TRIM37: variants seen among roughly 807,000 people sequenced by gnomAD.
TRIM37 encodes E3 ubiquitin-protein ligase TRIM37.
In TRIM37, 80 loss-of-function variants were observed where a neutral mutation model predicts 129.8. The observed-to-expected ratio is 0.62, with a 90% CI of 0.51 to 0.74. The LOEUF (loss-of-function observed/expected upper bound fraction) is 0.74, where lower values mean the gene tolerates loss of function less well. Ranked by LOEUF, TRIM37 falls within the 30% of genes least tolerant of loss-of-function variation. The pLI, the probability that TRIM37 is intolerant of heterozygous loss-of-function variation, is 0.00. For missense variants in TRIM37, 1,054 were observed against 1,176.5 expected, an observed-to-expected ratio of 0.90 and a Z score of 1.52; for synonymous variants, 389 against 387.1, an observed-to-expected ratio of 1.00 and a Z score of -0.06.
chr17:59,010,204 A>G (rs1714500346), intron 22 of TRIM37, among the ~76,000 whole-genome samples: 2 of 152,120 alleles, frequency 1.3e-5, no homozygotes, highest in Non-Finnish European at 2.9e-5. Flanking sequence ...ACTGGGGATG[A>G]TTTTGCCTCC....
At chr17:59,043,378 A>G (rs2039458418) in intron 16 of TRIM37, among the ~76,000 whole-genome samples, 1 of 152,198 alleles carries the variant, frequency 6.6e-6, no homozygotes, top group African/African-American at 2.4e-5. Flanking sequence ...CATCTACTCA[A>G]AAAAATCTAT....
chr17:59,042,443 A>ATATATATATATATATATATAT (rs1281091065), intron 16 of TRIM37, among the ~76,000 whole-genome samples: 5 of 50,206 alleles, frequency 1.0e-4, no homozygotes, highest in Admixed American at 2.2e-4. Context: ...AAAAAAAAAA[A>ATATATATATATATATATATAT]AAAAAAATAT....
At chr17:58,980,460 A>T (rs1294683194), downstream of TRIM37, 1 of 1,614,128 alleles carries the variant, frequency 6.2e-7, no homozygotes, top group Admixed American at 1.7e-5. The surrounding 1 kb of genome is among the most constrained non-coding windows in gnomAD (Gnocchi z 4.7). Context: ...GTGCTGGAAG[A>T]CCCAGGCTAC....
intron 22 of TRIM37, among the ~76,000 whole-genome samples, chr17:59,005,967 T>C (rs905601800): frequency 6.6e-5 from 10 of 152,204 alleles, no homozygotes; most frequent in Non-Finnish European, 2.9e-5. Context: ...CAGGTATCAG[T>C]ATTTCCAGTT....
downstream of TRIM37, among the ~76,000 whole-genome samples, chr17:58,996,013 A>G (rs2032953101): frequency 6.6e-6 from 1 of 150,386 alleles, no homozygotes; most frequent in Admixed American, 6.6e-5. Flanking sequence ...AAAAAAAAAT[A>G]ATAATAATAA....
chr17:59,067,600 C>T (rs959022219), intron 9 of TRIM37, among the ~76,000 whole-genome samples: 2 of 152,236 alleles, frequency 1.3e-5, no homozygotes, highest in African/African-American at 4.8e-5. Context: ...ACATAAAACT[C>T]TCTATGAACT....
chr17:58,994,245 A>T (rs1316621801), downstream of TRIM37, among the ~76,000 whole-genome samples: 1 of 152,206 alleles, frequency 6.6e-6, no homozygotes, highest in African/African-American at 2.4e-5. Context: ...AAATACACAT[A>T]AATGTGTGTA....
chr17:59,028,603 G>A lies in TRIM37; in HGVS notation c.2069C>T (p.Thr690Ile). The change falls in exon 19 of 24, where the codon ACT becomes ATT. Residue 690 changes from threonine to isoleucine, a missense_variant. By Grantham distance (89) the Thr-to-Ile change is moderately conservative. This residue lies in a region of TRIM37 where 752 missense variants were observed against 870.8 expected (regional missense o/e 0.86). Transcript: ENST00000262294. ...TQMAEVRCMK[T>I]DVKNTLSEIK... is the part of the protein sequence containing the mutation. The stretch of plus-strand genomic sequence containing the variant: ...TTCTGAAAGTGTATTCTTTACATCA[G>A]TTTTCATACATCGAACTTCGGCCAT... 6.2e-7 allele frequency: 1 copy of A among 1,614,198 alleles called. No individual in the cohort carries two copies. The highest frequency in any genetic ancestry group is 8.5e-7 in the Non-Finnish European group (1 of 1,180,044).
chr17:59,002,590 G>A (rs2033917903), intron 22 of TRIM37, among the ~76,000 whole-genome samples: 1 of 152,160 alleles, frequency 6.6e-6, no homozygotes, highest in African/African-American at 2.4e-5. Context: ...GTTTCAGCAA[G>A]ATAGCAATCA....
intron 19 of TRIM37, 68 bp from the exon 20 acceptor site, chr17:59,017,492 A>G: frequency 6.2e-7 from 1 of 1,610,716 alleles, no homozygotes. Context: ...TTAGTCTGTC[A>G]GAAAAAGTTT....
chr17:58,973,953 A>C, the TRIM37 span, among the ~76,000 whole-genome samples: 1 of 902 alleles, frequency 1.1e-3, no homozygotes, highest in Admixed American at 0.01. Flanking sequence ...CTCCATCTCA[A>C]AAAAAAAAAA....
chr17:59,074,668 T>C (rs967707595), intron 8 of TRIM37, among the ~76,000 whole-genome samples: 1 of 152,114 alleles, frequency 6.6e-6, no homozygotes, highest in Admixed American at 6.6e-5. Flanking sequence ...TGAGATTCAA[T>C]ACAAGAAAGA....
At chr17:59,081,960 A>T (rs575658620) in intron 5 of TRIM37, among the ~76,000 whole-genome samples, 13 of 131,618 alleles carry the variant, frequency 9.9e-5, no homozygotes, top group South Asian at 2.4e-4. Flanking sequence ...AAATAAAAAA[A>T]AAAAAATAAT....
the TRIM37 span, among the ~76,000 whole-genome samples, chr17:58,970,513 T>G: frequency 6.6e-6 from 1 of 152,156 alleles, no homozygotes; most frequent in Non-Finnish European, 1.5e-5. Flanking sequence ...GACTTAAACA[T>G]TAACTCTTTT....
chr17:59,098,981 G>A (rs1048642048), intron 2 of TRIM37, among the ~76,000 whole-genome samples: 1 of 151,886 alleles, frequency 6.6e-6, no homozygotes, highest in Non-Finnish European at 1.5e-5. Context: ...TCAAGAGATC[G>A]ACACCATCCT....
chr17:58,990,747 T>C (rs60868753), intron 24 of TRIM37, among the ~76,000 whole-genome samples: 27,024 of 133,744 alleles, frequency 0.2, 2,639 homozygotes, highest in Non-Finnish European at 0.22. Context: ...GTCGAGATCA[T>C]GCCACTGCAC....
chr17:58,998,417 A>G lies in TRIM37; in HGVS notation c.*960T>C, dbSNP rs2033228987. 1.0e-6 allele frequency: 1 copy of G among 985,308 alleles called. No homozygotes were observed. Among genetic ancestry groups the G allele is most frequent in the Non-Finnish European group, 1.2e-6 (1 of 829,928 alleles). The allele number at this position is 985,308 out of a possible 1,614,324, so 61.0% of individuals were successfully genotyped here. On this transcript the variant is annotated 3_prime_UTR_variant, in exon 24 of 24. Transcript: ENST00000262294. ...CTTTCAGTGTAATTTCCACAAATATATAGCAGCTCAAACACAAATGCAGGA... is the reference window on the plus strand; with the variant it reads ...CTTTCAGTGTAATTTCCACAAATATGTAGCAGCTCAAACACAAATGCAGGA...
chr17:59,010,262 G>A (rs565658005), intron 22 of TRIM37, among the ~76,000 whole-genome samples: 2 of 152,242 alleles, frequency 1.3e-5, no homozygotes, highest in South Asian at 2.1e-4. Flanking sequence ...TGTTGTAACC[G>A]GAGGGAAACA....
intron 17 of TRIM37, among the ~76,000 whole-genome samples, chr17:59,039,879 T>C (rs1599077676): frequency 6.6e-6 from 1 of 152,178 alleles, no homozygotes. Context: ...AATAACATGA[T>C]TAGATATTAT....
Sources: gnomAD v4.1 joint callset for allele counts (sites outside exome capture counted in the v4.1 genomes callset) on GRCh38, gnomAD v4.1.1 for gene constraint, gnomAD v4.1.1 regional missense constraint, Gnocchi (gnomAD v3.1) non-coding constraint, MANE v1.5 for transcripts, NCBI Gene and HGNC (gene_info 2026-07-23, HGNC 2026-07-21) for gene names.